Variants in NT5C2 observed in about 807,000 individuals in gnomAD.
NT5C2 encodes the protein cytosolic purine 5'-nucleotidase.
NT5C2 carries 58 observed loss-of-function variants against 76.1 expected under a neutral mutation model. That is an observed-to-expected ratio of 0.76 (90% CI 0.62 to 0.95). The LOEUF is 0.95. NT5C2 is among the 40% of genes least tolerant of loss of function. The probability of loss-of-function intolerance (pLI) is 0.00; values close to 1 mark genes in which losing one functional copy is unlikely to be tolerated. For missense variants in NT5C2, 478 were observed against 690.3 expected, an observed-to-expected ratio of 0.69 and a Z score of 3.45; for synonymous variants, 229 against 237.4, an observed-to-expected ratio of 0.96 and a Z score of 0.32.
intron 3 of NT5C2, among the ~76,000 whole-genome samples, chr10:103,162,468 T>C (rs2085164110): frequency 6.6e-6 from 1 of 152,218 alleles, no homozygotes. Context: ...GTTCAACCTA[T>C]TTATTCATCA....
intron 1 of NT5C2, among the ~76,000 whole-genome samples, chr10:103,191,821 T>C (rs1399495150): frequency 6.6e-6 from 1 of 152,172 alleles, no homozygotes; most frequent in Admixed American, 6.5e-5. Flanking sequence ...CCTATACTGT[T>C]GAAATGTAGT....
chr10:103,133,423 A>G (rs1285323994), intron 4 of NT5C2, among the ~76,000 whole-genome samples: 1 of 152,080 alleles, frequency 6.6e-6, no homozygotes, highest in Non-Finnish European at 1.5e-5. Flanking sequence ...CACTGCACCC[A>G]GCTAATTTTG....
In NT5C2 at chr10:103,089,621, G is replaced by A. The variant is rs1373802254; in HGVS notation, c.*51C>T. On this transcript the variant is annotated 3_prime_UTR_variant, in exon 19 of 19. Coordinates refer to ENST00000404739, the MANE Select transcript of NT5C2 (RefSeq NM_001351169.2). Reference sequence around the variant, plus strand: ...TAACAGGGACCTCGTTTGTTCCTGTGAGTCCTGCCAGGACTTGTTTAATGG... The same window carrying A: ...TAACAGGGACCTCGTTTGTTCCTGTAAGTCCTGCCAGGACTTGTTTAATGG... 6.6e-7 allele frequency: 1 copy of A among 1,515,804 alleles called. No homozygotes were observed. The highest frequency in any genetic ancestry group is 2.2e-5 in the Admixed American group (1 of 45,326). 93.9% of individuals were successfully genotyped at this position (1,515,804 alleles called of 1,614,324 possible).
chr10:103,129,221 T>C (rs201973792), intron 4 of NT5C2, among the ~76,000 whole-genome samples: 11,143 of 59,626 alleles, frequency 0.19, 805 homozygotes, highest in East Asian at 0.3. Flanking sequence ...CCCCTCAGCC[T>C]GGCCAGCCAC....
At position 103,099,230 on chromosome 10, in the gene NT5C2, T is replaced by G. The variant is rs189126251; in HGVS notation, c.634-246A>C. 6.6e-5 allele frequency among the ~76,000 whole-genome samples: 10 copies of G among 152,266 alleles called. No individual in the cohort carries two copies. The East Asian group carries it at 1.9e-3, about 29-fold the overall frequency. On this transcript the variant is annotated intron_variant, in intron 9 of 18. Transcript: ENST00000404739. The stretch of plus-strand genomic sequence containing the variant: ...CTAGGACCACAGGTCCACACCAACA[T>G]GCCTGGCTAATTTTCTGTATTTCTT...
At chr10:103,179,820 T>C (rs1321663262) in intron 2 of NT5C2, among the ~76,000 whole-genome samples, 3 of 152,350 alleles carry the variant, frequency 2.0e-5, no homozygotes, top group East Asian at 3.9e-4. Context: ...TAGAATATTT[T>C]ATTCTCTTAG....
intron 3 of NT5C2, among the ~76,000 whole-genome samples, chr10:103,163,907 C>G (rs2085648775): frequency 6.6e-6 from 1 of 150,790 alleles, no homozygotes; most frequent in Non-Finnish European, 1.5e-5. Flanking sequence ...CACCTGTAAT[C>G]CCAGCTACTC....
chr10:103,089,982 CCT>C lies in NT5C2; in HGVS notation c.1450-76_1450-75del, dbSNP rs2066282766. 4.8e-6 allele frequency: 6 copies of C among 1,243,404 alleles called. No individual in the cohort carries two copies. In the South Asian group the frequency reaches 7.6e-5, roughly 16 times the overall value. 77.0% of individuals were successfully genotyped at this position (1,243,404 alleles called of 1,614,324 possible). On this transcript the variant is annotated intron_variant, in intron 18 of 18. Coordinates refer to ENST00000404739, the MANE Select transcript of NT5C2 (RefSeq NM_001351169.2). ...CTACTCCCCAAATCCTAACCCCTCT[CCT>C]CTGTTAGGTGGCCATGCAATTACAT...
In NT5C2 at chr10:103,106,081, G is replaced by A. The variant is rs534875056; in HGVS notation, c.294-280C>T. 9.9e-5 allele frequency among the ~76,000 whole-genome samples: 15 copies of A among 152,250 alleles called. No homozygotes were observed. The East Asian group carries it at 2.1e-3, about 22-fold the overall frequency. ...AAAACATTCTTCTTACTACACAGCT[G>A]GTACCATTCTAAAACATAGTCTTTT... On this transcript the variant is annotated intron_variant, in intron 5 of 18. Coordinates refer to ENST00000404739, the MANE Select transcript of NT5C2 (RefSeq NM_001351169.2).
At chr10:103,140,455 A>T (rs762762566) in intron 3 of NT5C2, among the ~76,000 whole-genome samples, 2 of 152,136 alleles carry the variant, frequency 1.3e-5, no homozygotes, top group African/African-American at 4.8e-5. Flanking sequence ...CCATCAACAG[A>T]TATCTTTTTT....
chr10:103,186,158 G>A (rs1206859763), intron 1 of NT5C2, among the ~76,000 whole-genome samples: 6 of 152,160 alleles, frequency 3.9e-5, no homozygotes, highest in South Asian at 2.1e-4. Flanking sequence ...CACTGCCTGC[G>A]TTCAAAACCT....
At chr10:103,123,247 C>G (rs1394056755) in intron 4 of NT5C2, among the ~76,000 whole-genome samples, 1 of 152,138 alleles carries the variant, frequency 6.6e-6, no homozygotes, top group African/African-American at 2.4e-5. Flanking sequence ...CTCTGCTTCC[C>G]AAGTAGCTGG....
intron 4 of NT5C2, 35 bp from the exon 5 acceptor site, chr10:103,106,741 A>G (rs1590868287): frequency 8.3e-7 from 1 of 1,202,782 alleles, no homozygotes; most frequent in Non-Finnish European, 1.2e-6. Flanking sequence ...AGTTAGCAGA[A>G]AGAACAGCCA....
chr10:103,106,948 A>T (rs578236437), intron 4 of NT5C2, among the ~76,000 whole-genome samples: 2 of 152,338 alleles, frequency 1.3e-5, no homozygotes, highest in East Asian at 1.9e-4. Context: ...TTATCAAATT[A>T]TTCAGTATAG....
intron 6 of NT5C2, 100 bp from the exon 7 acceptor site, chr10:103,101,426 T>C: frequency 1.5e-6 from 1 of 664,668 alleles, no homozygotes; most frequent in Non-Finnish European, 2.6e-6. Context: ...TTGATGGCTA[T>C]GTGCAAGACA....
intron 3 of NT5C2, among the ~76,000 whole-genome samples, chr10:103,168,961 C>T (rs890050392): frequency 2.0e-5 from 3 of 152,082 alleles, no homozygotes; most frequent in Non-Finnish European, 1.5e-5. Flanking sequence ...GAATATTCTA[C>T]AAATTGACTT....
chr10:103,122,453 T>C (rs2075854904), intron 4 of NT5C2, among the ~76,000 whole-genome samples: 1 of 152,246 alleles, frequency 6.6e-6, no homozygotes, highest in African/African-American at 2.4e-5. Flanking sequence ...CTAGAGTTAC[T>C]GGATAATTTC....
Position 103,090,794 on chromosome 10 carries a change from CAAAG to C in NT5C2, c.1273-11_1273-8del, listed in dbSNP as rs776461120. 1.4e-5 allele frequency: 22 copies of C among 1,613,540 alleles called. No individual in the cohort carries two copies. The highest frequency in any genetic ancestry group is 1.4e-5 in the Non-Finnish European group (17 of 1,179,824). On this transcript the variant is annotated splice_polypyrimidine_tract_variant and splice_region_variant and intron_variant, in intron 17 of 18. Transcript: ENST00000404739. ...CCATGTCATGAGTTACTTTCTAAAACAAAGAACAAGATTGATTCTTGGCTCATTC... is the reference window on the plus strand; with the variant it reads ...CCATGTCATGAGTTACTTTCTAAAACAACAAGATTGATTCTTGGCTCATTC...
At chr10:103,132,483 C>G (rs2078384058) in intron 4 of NT5C2, among the ~76,000 whole-genome samples, 1 of 152,022 alleles carries the variant, frequency 6.6e-6, no homozygotes, top group South Asian at 2.1e-4. Flanking sequence ...AAGATGTTAC[C>G]ATAGGAGAGG....
Sources: allele counts gnomAD v4.1 joint callset (sites outside exome capture counted in the v4.1 genomes callset), GRCh38; gene constraint gnomAD v4.1.1; transcripts MANE v1.5; gene names NCBI Gene and HGNC (gene_info 2026-07-23, HGNC 2026-07-21).